Variants in FANK1 observed in about 807,000 individuals in gnomAD.
FANK1 encodes fibronectin type III and ankyrin repeat domains 1.
FANK1 carries 44 observed loss-of-function variants against 45.3 expected under a neutral mutation model. The ratio of observed to expected loss-of-function variants is 0.97; its 90% confidence interval spans 0.76 to 1.25. The LOEUF is 1.25. Among genes scored for constraint, FANK1 ranks in the 50% most tolerant of loss-of-function variants. The pLI is 0.00. For missense variants in FANK1, 391 were observed against 424.4 expected (o/e 0.92, Z 0.69); for synonymous variants, 149 against 152.5 (o/e 0.98, Z 0.17).
At chr10:125,950,580 C>A (rs1949142067) in intron 1 of FANK1, among the ~76,000 whole-genome samples, 1 of 152,040 alleles carries the variant, frequency 6.6e-6, no homozygotes, top group Admixed American at 6.6e-5. Flanking sequence ...CCATCTCACA[C>A]CAGTTAGAGA....
At chr10:125,945,116 C>A (rs528445564) in intron 1 of FANK1, among the ~76,000 whole-genome samples, 1 of 152,288 alleles carries the variant, frequency 6.6e-6, no homozygotes, top group East Asian at 1.9e-4. Flanking sequence ...AGTAAACAAG[C>A]CTCATTGTGT....
At chr10:125,969,010 T>G (rs919625670) in intron 1 of FANK1, among the ~76,000 whole-genome samples, 5 of 152,216 alleles carry the variant, frequency 3.3e-5, no homozygotes, top group African/African-American at 1.2e-4. Flanking sequence ...CATAAGAACT[T>G]TCTTACAAAA....
intron 1 of FANK1, among the ~76,000 whole-genome samples, chr10:125,919,423 C>G (rs1015000306): frequency 6.6e-6 from 1 of 152,040 alleles, no homozygotes; most frequent in African/African-American, 2.4e-5. Flanking sequence ...CCAGGCTGGT[C>G]TTGAACTCTC....
intron 1 of FANK1, among the ~76,000 whole-genome samples, chr10:125,939,179 C>A (rs190555454): frequency 7.9e-5 from 12 of 152,080 alleles, no homozygotes; most frequent in Non-Finnish European, 1.6e-4. Context: ...TGAAAGACAA[C>A]GAAAGATGGG....
intron 1 of FANK1, among the ~76,000 whole-genome samples, chr10:125,906,872 T>C (rs1945567804): frequency 6.6e-6 from 1 of 152,202 alleles, no homozygotes; most frequent in Non-Finnish European, 1.5e-5. Flanking sequence ...TTTTAGTTAT[T>C]TCTGAGATTC....
intron 1 of FANK1, among the ~76,000 whole-genome samples, chr10:125,956,852 T>C (rs111690603): frequency 6.6e-6 from 1 of 152,140 alleles, no homozygotes; most frequent in Non-Finnish European, 1.5e-5. Flanking sequence ...CGGGGTAGTA[T>C]AGGCTTCTAA....
At chr10:125,972,980 C>A (rs975475834) in intron 1 of FANK1, 1 of 152,990 alleles carries the variant, frequency 6.5e-6, no homozygotes, top group Non-Finnish European at 1.5e-5. Context: ...GGCTCTGTAC[C>A]AGATCTGGAG....
At chr10:125,909,214 G>A (rs1291595461) in intron 1 of FANK1, among the ~76,000 whole-genome samples, 1 of 152,162 alleles carries the variant, frequency 6.6e-6, no homozygotes, top group Non-Finnish European at 1.5e-5. Flanking sequence ...TAGGAAATTT[G>A]AACTATCTTT....
At chr10:125,988,804 A>C in intron 3 of FANK1, 129 bp downstream of exon 3, 1 of 1,430,336 alleles carries the variant, frequency 7.0e-7, no homozygotes, top group Non-Finnish European at 9.8e-7. Flanking sequence ...TAAACACTGC[A>C]ATAATATTTG....
At chr10:125,945,078 G>A (rs1190587238) in intron 1 of FANK1, among the ~76,000 whole-genome samples, 5 of 152,110 alleles carry the variant, frequency 3.3e-5, no homozygotes, top group Non-Finnish European at 7.4e-5. Context: ...ACGGTAAAGT[G>A]CATTATAATT....
At chr10:125,915,962 G>A (rs1333536071) in intron 1 of FANK1, among the ~76,000 whole-genome samples, 1 of 152,130 alleles carries the variant, frequency 6.6e-6, no homozygotes, top group Non-Finnish European at 1.5e-5. Flanking sequence ...CTTGAGATTA[G>A]CAGTTTGTCT....
intron 2 of FANK1, among the ~76,000 whole-genome samples, chr10:125,988,140 A>G (rs532083828): frequency 6.6e-6 from 1 of 152,212 alleles, no homozygotes; most frequent in Non-Finnish European, 1.5e-5. Flanking sequence ...TTTGCCTGCA[A>G]TAGTTATACA....
intron 1 of FANK1, among the ~76,000 whole-genome samples, chr10:125,968,183 C>T (rs1950292830): frequency 6.6e-6 from 1 of 151,926 alleles, no homozygotes; most frequent in African/African-American, 2.4e-5. Flanking sequence ...CTGGTCTCTT[C>T]CTGGCCTCAT....
intron 1 of FANK1, among the ~76,000 whole-genome samples, chr10:125,956,137 G>A (rs2134172659): frequency 7.6e-6 from 1 of 131,820 alleles, no homozygotes. Flanking sequence ...GCCTAGCAAG[G>A]ATGCAGGTGA....
chr10:125,963,111 G>A (rs1433648129), intron 1 of FANK1, among the ~76,000 whole-genome samples: 1 of 151,960 alleles, frequency 6.6e-6, no homozygotes, highest in East Asian at 1.9e-4. Flanking sequence ...AGCCTCCTGA[G>A]TAGCTGGGAT....
chr10:125,959,337 C>G (rs1949772476), intron 1 of FANK1, among the ~76,000 whole-genome samples: 1 of 141,990 alleles, frequency 7.0e-6, no homozygotes, highest in African/African-American at 2.6e-5. Context: ...TTGTTTGAAC[C>G]CGGGAGGCTG....
intron 1 of FANK1, among the ~76,000 whole-genome samples, chr10:125,977,260 ACTT>A (rs1321836076): frequency 6.6e-6 from 1 of 152,010 alleles, no homozygotes; most frequent in African/African-American, 2.4e-5. Flanking sequence ...CGGTCAACAG[ACTT>A]CTTTTCTGGA....
intron 1 of FANK1, among the ~76,000 whole-genome samples, chr10:125,965,712 G>C (rs1319147939): frequency 6.6e-6 from 1 of 152,206 alleles, no homozygotes; most frequent in African/African-American, 2.4e-5. Context: ...TGTTGACCAA[G>C]TGTCCTGTAT....
chr10:125,898,433 T>G (rs955129445), intron 1 of FANK1, among the ~76,000 whole-genome samples: 1 of 151,892 alleles, frequency 6.6e-6, no homozygotes, highest in Non-Finnish European at 1.5e-5. Flanking sequence ...GTTCGGAGAT[T>G]GGGGGAAGAG....
Sources: gnomAD v4.1 joint callset for allele counts (sites outside exome capture counted in the v4.1 genomes callset) on GRCh38, gnomAD v4.1.1 for gene constraint, MANE v1.5 for transcripts, NCBI Gene and HGNC (gene_info 2026-07-23, HGNC 2026-07-21) for gene names.